The following CPLX1 variants were observed in gnomAD, a reference collection of about 807,000 sequenced individuals.
CPLX1 encodes the protein complexin 1, also known as complexin-1.
Under a neutral mutation model 15.6 loss-of-function variants are expected in CPLX1, and 6 were observed. The observed-to-expected ratio is 0.39, with a 90% confidence interval of 0.21 to 0.76. The LOEUF (loss-of-function observed/expected upper bound fraction) is 0.76. Among genes scored for constraint, CPLX1 ranks in the 30% least tolerant of loss-of-function variants. CPLX1 has a pLI of 0.43. For missense variants in CPLX1, 242 were observed against 188.6 expected, an observed-to-expected ratio of 1.28 and a Z score of -1.66; for synonymous variants, 91 against 75.2, an observed-to-expected ratio of 1.21 and a Z score of -1.08.
At chr4:789,457 A>G (rs1746101879) in intron 3 of CPLX1, among the ~76,000 whole-genome samples, 1 of 152,266 alleles carries the variant, frequency 6.6e-6, no homozygotes, top group South Asian at 2.1e-4. Context: ...AGGACCAAAC[A>G]GCCAGCATTC....
In CPLX1 at chr4:786,348, G is replaced by C; in HGVS notation, c.*153C>G. On this transcript the variant is annotated 3_prime_UTR_variant, in exon 4 of 4. Transcript: ENST00000304062. ...GTCCTGGGGGCGCGCGCCCCTTGCCGGGTGAGGGAGGCGGCGGGCGCGGGC... is the reference window on the plus strand; with the variant it reads ...GTCCTGGGGGCGCGCGCCCCTTGCCCGGTGAGGGAGGCGGCGGGCGCGGGC... The C allele has an allele frequency of 1.3e-6, 1 of 768,292 alleles. No homozygotes were observed. Among genetic ancestry groups the C allele is most frequent in the East Asian group, 3.3e-5 (1 of 30,106 alleles). 47.6% of individuals were successfully genotyped at this position (768,292 alleles called of 1,614,324 possible). A position where few individuals can be genotyped will look rare whatever the true frequency, so the allele number is the denominator to read the frequency against.
chr4:790,901 CTT>C (rs976709013), intron 3 of CPLX1, among the ~76,000 whole-genome samples: 7 of 151,610 alleles, frequency 4.6e-5, no homozygotes, highest in Non-Finnish European at 1.0e-4. Context: ...TCTCTCCTCT[CTT>C]TGTCTCTCTC....
At chr4:806,670 C>G (rs1301404479) in intron 2 of CPLX1, among the ~76,000 whole-genome samples, 1 of 152,112 alleles carries the variant, frequency 6.6e-6, no homozygotes, top group Non-Finnish European at 1.5e-5. Flanking sequence ...TGTCCAGAAT[C>G]TACAAGGAAC....
intron 2 of CPLX1, among the ~76,000 whole-genome samples, chr4:810,240 GGGGTTTCAC>G (rs1560244488): frequency 1.3e-5 from 2 of 151,692 alleles, no homozygotes; most frequent in Non-Finnish European, 2.9e-5. Flanking sequence ...TAGTAGAGAC[GGGGTTTCAC>G]CATGTTAGCC....
Position 792,627 on chromosome 4 carries a change from A to T in CPLX1, c.32-19T>A, listed in dbSNP as rs1746218442. The T allele has an allele frequency of 6.2e-7, 1 of 1,603,488 alleles. No individual in the cohort carries two copies. ...GTGGCCCCTGGTACAGAAGTTGGTG[A>T]TTCAGACCGCCCCATTCAGATGTCC... On this transcript the variant is annotated intron_variant, in intron 2 of 3. Transcript: ENST00000304062.
At chr4:825,487 G>A (rs1746961373) in intron 1 of CPLX1, among the ~76,000 whole-genome samples, 1 of 152,000 alleles carries the variant, frequency 6.6e-6, no homozygotes, top group African/African-American at 2.4e-5. Flanking sequence ...CCGCGGCGCG[G>A]GGAAGGAGGG....
intron 2 of CPLX1, among the ~76,000 whole-genome samples, chr4:793,067 T>G (rs1463502532): frequency 6.6e-6 from 1 of 152,200 alleles, no homozygotes; most frequent in Non-Finnish European, 1.5e-5. Flanking sequence ...TGCGGTTGTG[T>G]GATCAGGCTT....
At chr4:806,715 G>A (rs1746561589) in intron 2 of CPLX1, among the ~76,000 whole-genome samples, 2 of 151,952 alleles carry the variant, frequency 1.3e-5, no homozygotes, top group Admixed American at 1.3e-4. Context: ...CAACAAACCT[G>A]TGAAAAAAAG....
intron 2 of CPLX1, among the ~76,000 whole-genome samples, chr4:821,713 A>C (rs1746866147): frequency 6.6e-6 from 1 of 152,120 alleles, no homozygotes. Context: ...GTTCAAGGCC[A>C]CTTTTGCTGC....
chr4:813,862 CCACA>C (rs145878038), intron 2 of CPLX1, among the ~76,000 whole-genome samples: 1 of 152,076 alleles, frequency 6.6e-6, no homozygotes, highest in Admixed American at 6.6e-5. Flanking sequence ...CCCAGAATTC[CCACA>C]CACACACAGA....
chr4:787,339 AC>A, intron 3 of CPLX1: 1 of 985,268 alleles, frequency 1.0e-6, no homozygotes, highest in Non-Finnish European at 1.2e-6. Flanking sequence ...CCCCCTGCCC[AC>A]CCGCGTTTCT....
At chr4:824,955 C>A (rs933162534) in intron 1 of CPLX1, 42 of 360,242 alleles carry the variant, frequency 1.2e-4, no homozygotes, top group Admixed American at 5.7e-4. Context: ...GTGTCTGGAG[C>A]GGCGCCTCCG....
chr4:790,989 CTCTG>C (rs1746154810), intron 3 of CPLX1, among the ~76,000 whole-genome samples: 1 of 151,836 alleles, frequency 6.6e-6, no homozygotes, highest in African/African-American at 2.4e-5. Flanking sequence ...TCTGTCTTCT[CTCTG>C]TCTCTTTATC....
intron 2 of CPLX1, among the ~76,000 whole-genome samples, chr4:793,851 G>A (rs762797291): frequency 3.3e-5 from 5 of 152,280 alleles, no homozygotes; most frequent in South Asian, 2.1e-4. Flanking sequence ...GACTGCCCCC[G>A]ACCAGCTGAG....
At chr4:818,383 CAGAG>C (rs1294195895) in intron 2 of CPLX1, among the ~76,000 whole-genome samples, 1 of 152,274 alleles carries the variant, frequency 6.6e-6, no homozygotes, top group African/African-American at 2.4e-5. Flanking sequence ...GCCACCGTCT[CAGAG>C]AGGCTGACAT....
intron 2 of CPLX1, among the ~76,000 whole-genome samples, chr4:810,989 G>A (rs564700249): frequency 1.4e-4 from 22 of 151,852 alleles, no homozygotes; most frequent in Non-Finnish European, 2.4e-4. Context: ...AAGCCACCAC[G>A]CCCAGCCTCT....
intron 2 of CPLX1, among the ~76,000 whole-genome samples, chr4:802,682 G>A (rs949871820): frequency 2.6e-5 from 4 of 152,184 alleles, no homozygotes; most frequent in African/African-American, 9.7e-5. Context: ...GGGCGTGGTG[G>A]CTCACACCTG....
At chr4:804,497 C>G (rs948463441) in intron 2 of CPLX1, among the ~76,000 whole-genome samples, 2 of 151,662 alleles carry the variant, frequency 1.3e-5, no homozygotes, top group Non-Finnish European at 2.9e-5. Flanking sequence ...TCTATAGAAC[C>G]TATATCAGAA....
intron 3 of CPLX1, among the ~76,000 whole-genome samples, chr4:790,093 C>A (rs1687147379): frequency 1.3e-5 from 2 of 151,928 alleles, no homozygotes; most frequent in East Asian, 1.9e-4. Flanking sequence ...GGTGGCCACG[C>A]CTGAGGGCGG....
Sources: allele counts gnomAD v4.1 joint callset (sites outside exome capture counted in the v4.1 genomes callset), GRCh38; gene constraint gnomAD v4.1.1; transcripts MANE v1.5; gene names NCBI Gene and HGNC (gene_info 2026-07-23, HGNC 2026-07-21).